LRRTM4: variants seen among roughly 807,000 people sequenced by gnomAD.
The protein encoded by LRRTM4 is leucine-rich repeat transmembrane neuronal protein 4.
Under a neutral mutation model 47.6 loss-of-function variants are expected in LRRTM4, and 25 were observed. That is an observed-to-expected ratio of 0.53 (90% CI 0.38 to 0.73). LRRTM4 has a LOEUF of 0.73. Among genes scored for constraint, LRRTM4 ranks in the 30% least tolerant of loss-of-function variants. The pLI, the probability that LRRTM4 is intolerant of heterozygous loss-of-function variation, is 0.00. For synonymous variants in LRRTM4, 311 were observed against 269.5 expected (o/e 1.15, Z -1.51); for missense variants, 638 against 713.4 (o/e 0.89, Z 1.20).
chr2:76,757,375 T>A (rs572991882), intron 3 of LRRTM4, among the ~76,000 whole-genome samples: 1 of 152,248 alleles, frequency 6.6e-6, no homozygotes, highest in Non-Finnish European at 1.5e-5. Flanking sequence ...CCATCTTTAT[T>A]GCTCTCCTAC....
intron 3 of LRRTM4, among the ~76,000 whole-genome samples, chr2:76,903,557 G>C (rs1673718096): frequency 6.6e-6 from 1 of 151,874 alleles, no homozygotes; most frequent in Non-Finnish European, 1.5e-5. Flanking sequence ...AAACAAAAAA[G>C]AAGAACAAAC....
intron 3 of LRRTM4, among the ~76,000 whole-genome samples, chr2:76,939,725 G>C (rs1472347442): frequency 6.6e-6 from 1 of 151,938 alleles, no homozygotes; most frequent in Non-Finnish European, 1.5e-5. Context: ...ATTTATGTTA[G>C]TCCTACATGC....
intron 3 of LRRTM4, among the ~76,000 whole-genome samples, chr2:77,107,167 CTT>C (rs1671114165): frequency 6.6e-6 from 1 of 151,956 alleles, no homozygotes; most frequent in Non-Finnish European, 1.5e-5. Context: ...ATAGGAAAGT[CTT>C]TGGATGCTAA....
chr2:77,072,121 G>A (rs1192818294), intron 3 of LRRTM4, among the ~76,000 whole-genome samples: 1 of 151,924 alleles, frequency 6.6e-6, no homozygotes, highest in Non-Finnish European at 1.5e-5. Context: ...GAAAAACTCA[G>A]AGTCATAAGA....
intron 3 of LRRTM4, among the ~76,000 whole-genome samples, chr2:77,018,596 T>G (rs547628323): frequency 1.3e-5 from 2 of 151,620 alleles, no homozygotes; most frequent in East Asian, 3.9e-4. Flanking sequence ...CCAGGCCAAT[T>G]TCAAGAATCA....
intron 3 of LRRTM4, among the ~76,000 whole-genome samples, chr2:76,858,787 A>G (rs1672230715): frequency 6.6e-6 from 1 of 152,230 alleles, no homozygotes; most frequent in Non-Finnish European, 1.5e-5. Context: ...TTGCAATTTC[A>G]TAAATATTTC....
At chr2:77,018,888 T>G in intron 3 of LRRTM4, among the ~76,000 whole-genome samples, 1 of 152,162 alleles carries the variant, frequency 6.6e-6, no homozygotes, top group African/African-American at 2.4e-5. Context: ...TATTTTAGTC[T>G]AATTTTACAA....
intron 3 of LRRTM4, among the ~76,000 whole-genome samples, chr2:76,993,802 C>T (rs1211201804): frequency 2.0e-5 from 3 of 151,880 alleles, no homozygotes; most frequent in African/African-American, 7.2e-5. Context: ...GACACACGCC[C>T]TTGTAAGTTT....
intron 3 of LRRTM4, among the ~76,000 whole-genome samples, chr2:77,242,795 C>T (rs1276795290): frequency 6.6e-6 from 1 of 152,080 alleles, no homozygotes; most frequent in Non-Finnish European, 1.5e-5. Flanking sequence ...AATGAAACTG[C>T]TATGAAAACA....
intron 3 of LRRTM4, among the ~76,000 whole-genome samples, chr2:77,054,848 G>T (rs996614615): frequency 2.2e-4 from 33 of 152,174 alleles, no homozygotes; most frequent in African/African-American, 7.7e-4. Context: ...TGGAAAAATT[G>T]CAAAATCAGT....
intron 3 of LRRTM4, among the ~76,000 whole-genome samples, chr2:76,898,469 C>G (rs1484448431): frequency 6.8e-6 from 1 of 147,182 alleles, no homozygotes; most frequent in African/African-American, 2.5e-5. Context: ...AGGAGAATCG[C>G]TTGAACCCAG....
intron 3 of LRRTM4, among the ~76,000 whole-genome samples, chr2:77,098,269 G>A (rs953456120): frequency 1.3e-5 from 2 of 151,992 alleles, no homozygotes; most frequent in East Asian, 1.9e-4. Flanking sequence ...CATTACACCA[G>A]TGTGGTAATC....
chr2:76,750,247 G>T (rs1672806965), intron 3 of LRRTM4, among the ~76,000 whole-genome samples: 1 of 152,118 alleles, frequency 6.6e-6, no homozygotes, highest in Non-Finnish European at 1.5e-5. Flanking sequence ...TCCAACATTT[G>T]ATCTCATCAA....
At chr2:76,780,759 T>C (rs1042073871) in intron 3 of LRRTM4, among the ~76,000 whole-genome samples, 17 of 152,172 alleles carry the variant, frequency 1.1e-4, no homozygotes, top group Non-Finnish European at 1.6e-4. Flanking sequence ...TCTCTCAGCT[T>C]GTCAAAGTCA....
At chr2:77,196,954 A>G (rs1456367015) in intron 3 of LRRTM4, among the ~76,000 whole-genome samples, 1 of 152,012 alleles carries the variant, frequency 6.6e-6, no homozygotes, top group African/African-American at 2.4e-5. Context: ...GTGCTTACCA[A>G]TTTTTTCTTC....
intron 3 of LRRTM4, among the ~76,000 whole-genome samples, chr2:77,051,444 G>A (rs1007074071): frequency 6.6e-6 from 1 of 152,152 alleles, no homozygotes; most frequent in African/African-American, 2.4e-5. Flanking sequence ...TGAATTAAGC[G>A]CTCTTCTCTG....
chr2:76,834,401 C>T (rs1671450640), intron 3 of LRRTM4, among the ~76,000 whole-genome samples: 1 of 151,866 alleles, frequency 6.6e-6, no homozygotes, highest in Non-Finnish European at 1.5e-5. Context: ...ATATCTGTTA[C>T]TCTAAAGAGG....
intron 3 of LRRTM4, among the ~76,000 whole-genome samples, chr2:77,064,383 G>A (rs1329273991): frequency 6.6e-6 from 1 of 152,132 alleles, no homozygotes; most frequent in African/African-American, 2.4e-5. Flanking sequence ...ATAAAGCATG[G>A]AAAGCTACAG....
intron 3 of LRRTM4, among the ~76,000 whole-genome samples, chr2:76,819,044 T>A (rs1238402690): frequency 1.3e-5 from 2 of 151,776 alleles, no homozygotes; most frequent in African/African-American, 4.8e-5. Flanking sequence ...GAAATAAGAA[T>A]ATTGCAGCAA....
Sources: gnomAD v4.1 joint callset for allele counts (sites outside exome capture counted in the v4.1 genomes callset) on GRCh38, gnomAD v4.1.1 for gene constraint, MANE v1.5 for transcripts, NCBI Gene and HGNC (gene_info 2026-07-23, HGNC 2026-07-21) for gene names.